Variants in ARFIP1 observed in about 807,000 individuals in gnomAD.
ARFIP1 encodes ARF interacting protein 1.
ARFIP1 carries 24 observed loss-of-function variants against 42.5 expected under a neutral mutation model. The observed-to-expected ratio is 0.57, with a 90% CI of 0.41 to 0.80. The LOEUF is 0.80. ARFIP1 is among the 30% of genes least tolerant of loss of function. The pLI is 0.00. For synonymous variants in ARFIP1, 141 were observed against 153.7 expected, an observed-to-expected ratio of 0.92 and a Z score of 0.61; for missense variants, 354 against 434.0, an observed-to-expected ratio of 0.82 and a Z score of 1.64.
At chr4:152,836,181 A>G (rs1731633727) in intron 2 of ARFIP1, among the ~76,000 whole-genome samples, 1 of 152,210 alleles carries the variant, frequency 6.6e-6, no homozygotes, top group African/African-American at 2.4e-5. Context: ...GTTGACGGGT[A>G]AGTTCTGGAG....
chr4:152,898,189 G>C (rs551954246), intron 8 of ARFIP1, among the ~76,000 whole-genome samples: 2 of 151,894 alleles, frequency 1.3e-5, no homozygotes, highest in African/African-American at 4.8e-5. Context: ...TCACCATCTT[G>C]GCCAGGCTGG....
At chr4:152,832,208 A>G (rs1047223099) in intron 2 of ARFIP1, among the ~76,000 whole-genome samples, 2 of 152,244 alleles carry the variant, frequency 1.3e-5, no homozygotes, top group South Asian at 4.1e-4. Context: ...CAACACCAGC[A>G]ATGAATGAGA....
At chr4:152,900,382 G>A (rs554228842) in intron 8 of ARFIP1, among the ~76,000 whole-genome samples, 130 of 152,230 alleles carry the variant, frequency 8.5e-4, no homozygotes, top group African/African-American at 3.1e-3. Flanking sequence ...CTTCTCTTCA[G>A]AACTCTGCCT....
At chr4:152,849,972 G>A (rs980453270) in intron 2 of ARFIP1, among the ~76,000 whole-genome samples, 10 of 149,110 alleles carry the variant, frequency 6.7e-5, no homozygotes. Context: ...AGTCTAAAAT[G>A]TCTTTTATCT....
intron 1 of ARFIP1, among the ~76,000 whole-genome samples, chr4:152,808,043 C>T (rs1039027115): frequency 2.0e-5 from 3 of 152,034 alleles, no homozygotes; most frequent in Admixed American, 6.5e-5. Context: ...TGCAGTGGCA[C>T]GATCTTGGCT....
At chr4:152,905,441 C>CT (rs1190488987) in intron 8 of ARFIP1, among the ~76,000 whole-genome samples, 1 of 144,078 alleles carries the variant, frequency 6.9e-6, no homozygotes, top group Non-Finnish European at 1.5e-5. Flanking sequence ...TGTTGAGCAT[C>CT]TTTTTATGTG....
chr4:152,892,565 A>G lies in ARFIP1; in HGVS notation c.966+4258A>G, dbSNP rs1460501107. ...TAGAACTTTTTTAAAATTTTGAGAC[A>G]GATCAGGAGTTAGGTTCTTAGCTAT... is the stretch of plus-strand genomic sequence containing the variant. On this transcript the variant is annotated intron_variant, in intron 8 of 8. Coordinates refer to ENST00000353617, the MANE Select transcript of ARFIP1 (RefSeq NM_001025595.3). Among the ~76,000 whole-genome samples, 2 of 152,186 alleles carry G rather than the reference A, an allele frequency of 1.3e-5. 1 individual carries two copies. The highest frequency in any genetic ancestry group is 2.9e-5 in the Non-Finnish European group (2 of 68,026).
chr4:152,843,013 G>A (rs1159189766), intron 2 of ARFIP1, among the ~76,000 whole-genome samples: 5 of 152,122 alleles, frequency 3.3e-5, no homozygotes, highest in African/African-American at 9.7e-5. Context: ...TATTACCAGG[G>A]TTGGTTTCCT....
intron 1 of ARFIP1, among the ~76,000 whole-genome samples, chr4:152,817,861 A>G (rs1022231078): frequency 2.0e-5 from 3 of 152,240 alleles, no homozygotes; most frequent in Non-Finnish European, 4.4e-5. Context: ...AAGATACTCA[A>G]TATCATTAAC....
intron 3 of ARFIP1, among the ~76,000 whole-genome samples, chr4:152,864,913 C>CTTTTT (rs34123163): frequency 1.1e-4 from 12 of 112,440 alleles, no homozygotes; most frequent in Admixed American, 1.8e-4. Context: ...CTTTTTTAAA[C>CTTTTT]TTTTTTTTTT....
intron 2 of ARFIP1, 130 bp downstream of exon 2, chr4:152,829,856 A>G (rs1016060316): frequency 7.5e-6 from 5 of 670,836 alleles, no homozygotes; most frequent in African/African-American, 1.8e-5. Context: ...ATCTAATGTT[A>G]TTATATAGGG....
At chr4:152,867,507 C>A (rs76513061) in intron 3 of ARFIP1, among the ~76,000 whole-genome samples, 1 of 151,634 alleles carries the variant, frequency 6.6e-6, no homozygotes, top group Non-Finnish European at 1.5e-5. Context: ...AGAGGGAGAC[C>A]GTGGGGAGAG....
intron 2 of ARFIP1, among the ~76,000 whole-genome samples, chr4:152,857,951 G>A (rs1000623974): frequency 8.5e-5 from 13 of 152,166 alleles, no homozygotes; most frequent in African/African-American, 3.1e-4. Flanking sequence ...GACTAGAGCA[G>A]TGGCTGTCAT....
rs183626634 is a variant in ARFIP1 at position 152,819,766 on chromosome 4, C to G, written c.-9-9859C>G. Among the ~76,000 whole-genome samples, 9 of 152,288 alleles carry G rather than the reference C, an allele frequency of 5.9e-5. No homozygotes were observed. The East Asian group carries it at 1.7e-3, about 29-fold the overall frequency. On this transcript the variant is annotated intron_variant, in intron 1 of 8. Transcript: ENST00000353617. Reference sequence around the variant, plus strand: ...TGGGCTTGGTAGACAAAGTGCAGCTCTACCTCAACAGTCAGGCAGCCCTGG... The same window carrying G: ...TGGGCTTGGTAGACAAAGTGCAGCTGTACCTCAACAGTCAGGCAGCCCTGG...
At chr4:152,873,150 T>A (rs538031951) in intron 5 of ARFIP1, among the ~76,000 whole-genome samples, 2 of 152,268 alleles carry the variant, frequency 1.3e-5, no homozygotes, top group South Asian at 2.1e-4. Flanking sequence ...AACCCCCAAA[T>A]CCACTTAGTA....
At chr4:152,903,129 G>T (rs189244557) in intron 8 of ARFIP1, among the ~76,000 whole-genome samples, 466 of 152,174 alleles carry the variant, frequency 3.1e-3, no homozygotes, top group African/African-American at 8.8e-3. Context: ...AGGCAGAATG[G>T]CATTGAGGAC....
chr4:152,825,357 TTAGAATAA>T (rs1461277333), intron 1 of ARFIP1, among the ~76,000 whole-genome samples: 44 of 152,170 alleles, frequency 2.9e-4, no homozygotes, highest in African/African-American at 1.1e-3. Flanking sequence ...AAGTAGGTAC[TTAGAATAA>T]TAGAACAGAA....
Position 152,887,184 on chromosome 4 carries a change from G to A in ARFIP1, c.792-949G>A, listed in dbSNP as rs533867640. 7.2e-5 allele frequency among the ~76,000 whole-genome samples: 11 copies of A among 152,020 alleles called. No individual in the cohort carries two copies. The South Asian group carries it at 2.1e-3, about 29-fold the overall frequency. On this transcript the variant is annotated intron_variant, in intron 7 of 8. Coordinates refer to ENST00000353617, the MANE Select transcript of ARFIP1 (RefSeq NM_001025595.3). ...TGCTGGATAAATCACTGTTTAATAA[G>A]CAAGATAGTACTATACTTAGACAGG...
At chr4:152,886,874 G>T (rs1736306443) in intron 7 of ARFIP1, among the ~76,000 whole-genome samples, 1 of 151,928 alleles carries the variant, frequency 6.6e-6, no homozygotes. Flanking sequence ...GACCCTGAAA[G>T]AGGCCAATTA....
Sources: gnomAD v4.1 joint callset for allele counts (sites outside exome capture counted in the v4.1 genomes callset) on GRCh38, gnomAD v4.1.1 for gene constraint, MANE v1.5 for transcripts, NCBI Gene and HGNC (gene_info 2026-07-23, HGNC 2026-07-21) for gene names.